SNX29: variants seen among roughly 807,000 people sequenced by gnomAD.
SNX29 encodes sorting nexin-29.
A neutral mutation model predicts 102.1 loss-of-function variants in SNX29; 78 were observed. That is an observed-to-expected ratio of 0.76 (90% CI 0.64 to 0.92). The LOEUF (loss-of-function observed/expected upper bound fraction) is 0.92, where lower values mean the gene tolerates loss of function less well. Ranked by LOEUF, SNX29 falls within the 40% of genes least tolerant of loss-of-function variation. The pLI is 0.00. For missense variants in SNX29, 1,280 were observed against 1,061.7 expected, an observed-to-expected ratio of 1.21 and a Z score of -2.86; for synonymous variants, 580 against 414.5, an observed-to-expected ratio of 1.40 and a Z score of -4.85.
At chr16:12,297,942 G>A (rs2080037082) in intron 15 of SNX29, among the ~76,000 whole-genome samples, 1 of 152,242 alleles carries the variant, frequency 6.6e-6, no homozygotes, top group South Asian at 2.1e-4. Context: ...GGCCCAGGTG[G>A]GCAGATCACT....
At chr16:11,984,792 G>A (rs1343597518) in intron 1 of SNX29, among the ~76,000 whole-genome samples, 1 of 152,050 alleles carries the variant, frequency 6.6e-6, no homozygotes, top group Non-Finnish European at 1.5e-5. Context: ...GAGTAGCTAG[G>A]ACTAAAGGTG....
intron 20 of SNX29, among the ~76,000 whole-genome samples, chr16:12,554,911 A>G (rs115207684): frequency 0.014 from 2,148 of 151,880 alleles, 49 homozygotes; most frequent in African/African-American, 0.049. Flanking sequence ...AGTGCAGGGG[A>G]GAGGGGCTGA....
At chr16:12,256,410 C>G (rs1057315316) in intron 14 of SNX29, among the ~76,000 whole-genome samples, 7 of 152,122 alleles carry the variant, frequency 4.6e-5, no homozygotes, top group African/African-American at 1.2e-4. Flanking sequence ...TCACTGCAAC[C>G]TCTGCCTCCC....
intron 14 of SNX29, among the ~76,000 whole-genome samples, chr16:12,242,367 A>ATAT (rs1208660733): frequency 3.7e-4 from 53 of 141,602 alleles, no homozygotes; most frequent in African/African-American, 1.3e-3. Flanking sequence ...ATATATATAT[A>ATAT]TTTTTTTTTT....
chr16:12,050,047 G>A (rs1397594002), intron 7 of SNX29, among the ~76,000 whole-genome samples: 1 of 152,196 alleles, frequency 6.6e-6, no homozygotes, highest in Non-Finnish European at 1.5e-5. Flanking sequence ...GTACACAGTG[G>A]CCTTGTCTGT....
chr16:12,557,406 T>C (rs2078436542), intron 20 of SNX29: 1 of 152,162 alleles, frequency 6.6e-6, no homozygotes, highest in Admixed American at 6.5e-5. Context: ...CCTTTGGCTT[T>C]TGAGACTGAG....
intron 20 of SNX29, 148 bp from the exon 21 acceptor site, chr16:12,568,358 A>C (rs150373870): frequency 1.2e-5 from 12 of 1,043,480 alleles, no homozygotes; most frequent in African/African-American, 8.1e-5. Context: ...TCATTTCTTC[A>C]GGTGGCACCA....
chr16:12,333,914 G>A (rs573046404), intron 15 of SNX29, among the ~76,000 whole-genome samples: 7 of 152,226 alleles, frequency 4.6e-5, no homozygotes, highest in African/African-American at 1.2e-4. Context: ...TGCATCCCGC[G>A]TTTCCGTGCC....
intron 14 of SNX29, among the ~76,000 whole-genome samples, chr16:12,220,443 C>T (rs1049168670): frequency 1.3e-5 from 2 of 152,050 alleles, no homozygotes; most frequent in East Asian, 1.9e-4. Context: ...ACTGGAGAGA[C>T]AGGCAGGGGT....
intron 1 of SNX29, among the ~76,000 whole-genome samples, chr16:11,987,220 A>G (rs2055665398): frequency 6.6e-6 from 1 of 150,878 alleles, no homozygotes; most frequent in African/African-American, 2.4e-5. Flanking sequence ...GTGTGCCACC[A>G]TACCTGGCTA....
At chr16:12,018,632 T>C (rs991847839) in intron 3 of SNX29, among the ~76,000 whole-genome samples, 2 of 151,998 alleles carry the variant, frequency 1.3e-5, no homozygotes, top group Non-Finnish European at 2.9e-5. Flanking sequence ...CTGTTATGCA[T>C]CAAGTTCCTC....
intron 20 of SNX29, among the ~76,000 whole-genome samples, chr16:12,539,147 G>A (rs578127099): frequency 2.0e-5 from 3 of 152,240 alleles, no homozygotes; most frequent in South Asian, 2.1e-4. Flanking sequence ...CAGTGCAATT[G>A]ACTTTTGCTC....
chr16:12,474,860 G>A (rs1597512537), intron 18 of SNX29, among the ~76,000 whole-genome samples: 2 of 152,338 alleles, frequency 1.3e-5, no homozygotes, highest in East Asian at 3.9e-4. Context: ...TGGTGAAGCA[G>A]TGCTCATGTT....
intron 1 of SNX29, among the ~76,000 whole-genome samples, chr16:11,990,298 G>T (rs2055799194): frequency 6.6e-6 from 1 of 152,138 alleles, no homozygotes; most frequent in Admixed American, 6.6e-5. Flanking sequence ...ACCAGGAGAT[G>T]GGGCAATTGC....
chr16:12,263,663 AAAC>A (rs1337151614), intron 14 of SNX29, among the ~76,000 whole-genome samples: 2 of 152,250 alleles, frequency 1.3e-5, no homozygotes, highest in African/African-American at 2.4e-5. Flanking sequence ...CTTTTTAAAG[AAAC>A]AAAGAGAAAA....
At chr16:11,990,338 A>G (rs1358191015) in intron 1 of SNX29, among the ~76,000 whole-genome samples, 1 of 152,136 alleles carries the variant, frequency 6.6e-6, no homozygotes, top group East Asian at 1.9e-4. Flanking sequence ...TGTCTGCTAG[A>G]GCTGGCTAGC....
chr16:12,474,679 C>T (rs193274823), intron 18 of SNX29, among the ~76,000 whole-genome samples: 84 of 152,332 alleles, frequency 5.5e-4, no homozygotes, highest in African/African-American at 1.9e-3. Flanking sequence ...TTGGTATTCA[C>T]TGATTCAAAT....
chr16:12,223,119 G>C (rs1345339939), intron 14 of SNX29, among the ~76,000 whole-genome samples: 1 of 152,138 alleles, frequency 6.6e-6, no homozygotes, highest in Non-Finnish European at 1.5e-5. Context: ...AGGGTTTCTG[G>C]AGTCAGACCA....
chr16:12,262,481 TG>T (rs1008204142), intron 14 of SNX29, among the ~76,000 whole-genome samples: 3 of 152,166 alleles, frequency 2.0e-5, no homozygotes, highest in African/African-American at 4.8e-5. Context: ...TTATTTGAAT[TG>T]GGATCAATAA....
Sources: gnomAD v4.1 joint callset for allele counts (sites outside exome capture counted in the v4.1 genomes callset) on GRCh38, gnomAD v4.1.1 for gene constraint, MANE v1.5 for transcripts, NCBI Gene and HGNC (gene_info 2026-07-23, HGNC 2026-07-21) for gene names.